KMO: variants seen among roughly 807,000 people sequenced by gnomAD.
The protein encoded by KMO is kynurenine 3-hydroxylase.
In KMO, 24 loss-of-function variants were observed where a neutral mutation model predicts 57.8. The ratio of observed to expected loss-of-function variants is 0.42; its 90% CI spans 0.30 to 0.58. KMO has a LOEUF of 0.58. Among genes scored for constraint, KMO ranks in the 20% least tolerant of loss-of-function variants. The pLI is 0.22. For synonymous variants in KMO, 210 were observed against 193.6 expected, an observed-to-expected ratio of 1.08 and a Z score of -0.70; for missense variants, 483 against 588.2, an observed-to-expected ratio of 0.82 and a Z score of 1.85.
intron 1 of KMO, among the ~76,000 whole-genome samples, chr1:241,541,214 A>T (rs1238834095): frequency 6.6e-6 from 1 of 152,194 alleles, no homozygotes; most frequent in Non-Finnish European, 1.5e-5. Flanking sequence ...GTAGCAGAAG[A>T]TCTGCTGTGA....
chr1:241,572,557 C>T (rs1662343015), intron 10 of KMO, among the ~76,000 whole-genome samples: 1 of 151,764 alleles, frequency 6.6e-6, no homozygotes, highest in South Asian at 2.1e-4. Context: ...ATATTTTAGC[C>T]TCAAGTTCAT....
chr1:241,541,170 C>T (rs1355100780), intron 1 of KMO, among the ~76,000 whole-genome samples: 2 of 152,098 alleles, frequency 1.3e-5, no homozygotes, highest in Non-Finnish European at 2.9e-5. Context: ...CTGGTAAAAG[C>T]TAATGAGGGC....
At chr1:241,587,212 G>A (rs567258079) in intron 11 of KMO, among the ~76,000 whole-genome samples, 2 of 152,286 alleles carry the variant, frequency 1.3e-5, no homozygotes, top group Admixed American at 6.5e-5. Context: ...CATAAGGAGC[G>A]TGCAAGCTAG....
chr1:241,562,921 A>C (rs1558421422), intron 7 of KMO, among the ~76,000 whole-genome samples: 26 of 44,978 alleles, frequency 5.8e-4, no homozygotes, highest in South Asian at 4.2e-3. Flanking sequence ...GAAGGAAAGA[A>C]GGAAGGAAGG....
chr1:241,536,561 C>T (rs1317733452), intron 1 of KMO: 18 of 969,872 alleles, frequency 1.9e-5, no homozygotes, highest in Non-Finnish European at 2.2e-5. Flanking sequence ...AGCCAAGAGC[C>T]TTGGTAAGAG....
intron 11 of KMO, 38 bp downstream of exon 11, chr1:241,586,774 C>T: frequency 1.4e-6 from 2 of 1,419,992 alleles, no homozygotes; most frequent in Non-Finnish European, 2.0e-6. Context: ...CATGTACTAG[C>T]TCTTCTGACT....
At position 241,562,323 on chromosome 1, in the gene KMO, G is replaced by T; in HGVS notation, c.606G>T (p.Lys202Asn). 6.2e-7 allele frequency: 1 copy of T among 1,614,008 alleles called. No individual in the cohort carries two copies. Among genetic ancestry groups the T allele is most frequent in the Non-Finnish European group, 8.5e-7 (1 of 1,179,930 alleles). ...HGYMELTIPP[K>N]NGDYAMEPNY... Reference sequence around the variant, plus strand: ...ACATGGAGTTGACTATTCCACCTAAGAACGGAGATGTAAGTCCTTGCCCTT... The same window carrying T: ...ACATGGAGTTGACTATTCCACCTAATAACGGAGATGTAAGTCCTTGCCCTT... The change falls in exon 7 of 15, where the codon AAG becomes AAT. Residue 202 changes from lysine to asparagine, a missense_variant. Physicochemically the swap from Lys to Asn is moderately conservative, Grantham distance 94. Transcript: ENST00000366559.
chr1:241,570,612 TG>T (rs1662236788), intron 10 of KMO, among the ~76,000 whole-genome samples: 1 of 152,120 alleles, frequency 6.6e-6, no homozygotes, highest in African/African-American at 2.4e-5. Flanking sequence ...GATATATTAC[TG>T]GGTTCTCTAT....
intron 10 of KMO, chr1:241,586,455 C>T (rs1662990583): frequency 2.2e-6 from 1 of 462,924 alleles, no homozygotes; most frequent in Admixed American, 3.6e-5. Flanking sequence ...TCACCTCGGC[C>T]TCCCAAAGTG....
rs763896768 is a variant in KMO at position 241,532,441 on chromosome 1, A to T, written c.-4A>T. The T allele has an allele frequency of 1.2e-6, 2 of 1,611,730 alleles. No individual in the cohort carries two copies. The highest frequency in any genetic ancestry group is 3.4e-5 in the Admixed American group (2 of 59,088). ...CAATAATTGTGAAAAATACTTCAGC[A>T]GTTATGGACTCATCTGTCATTCAAA... On this transcript the variant is annotated 5_prime_UTR_variant, in exon 1 of 15. Transcript: ENST00000366559.
intron 14 of KMO, among the ~76,000 whole-genome samples, chr1:241,591,462 A>T (rs765469641): frequency 7.9e-5 from 12 of 151,612 alleles, no homozygotes; most frequent in Non-Finnish European, 1.6e-4. Context: ...CCAGGATGCC[A>T]TGGGAAAGCA....
At chr1:241,570,007 G>A (rs1662218291) in intron 10 of KMO, among the ~76,000 whole-genome samples, 1 of 151,662 alleles carries the variant, frequency 6.6e-6, no homozygotes, top group Non-Finnish European at 1.5e-5. Context: ...TTAATAATCA[G>A]GTATTATCTT....
intron 1 of KMO, among the ~76,000 whole-genome samples, chr1:241,543,104 CTTGT>C (rs762226063): frequency 1.6e-4 from 25 of 151,998 alleles, no homozygotes; most frequent in African/African-American, 4.3e-4. Flanking sequence ...CTTTTACTTC[CTTGT>C]TTGTTTGTTT....
chr1:241,589,091 C>T lies in KMO; in HGVS notation c.1098+261C>T, dbSNP rs189638347. On this transcript the variant is annotated intron_variant, in intron 12 of 14. Coordinates refer to ENST00000366559, the MANE Select transcript of KMO (RefSeq NM_003679.5). ...AACAAAACCTCTGATAATTCACATGCTTTTATCTTAGACATTTAGCAATAT... is the reference window on the plus strand; with the variant it reads ...AACAAAACCTCTGATAATTCACATGTTTTTATCTTAGACATTTAGCAATAT... Among the ~76,000 whole-genome samples the T allele has an allele frequency of 1.7e-3, 253 of 152,256 alleles. 1 individual carries two copies. Among genetic ancestry groups the T allele is most frequent in the Non-Finnish European group, 2.2e-3 (147 of 68,010 alleles).
At position 241,562,262 on chromosome 1, in the gene KMO, G is replaced by T. The variant is rs147782357; in HGVS notation, c.545G>T (p.Arg182Leu). ...AGATCTCACCTGATGAAGAAACCTCGCTTTGATTACAGTCAGCAGTACATT... is the reference window on the plus strand; with the variant it reads ...AGATCTCACCTGATGAAGAAACCTCTCTTTGATTACAGTCAGCAGTACATT... Reference protein sequence around the residue: ...TVRSHLMKKPRFDYSQQYIPH... With the variant: ...TVRSHLMKKPLFDYSQQYIPH... The change falls in exon 7 of 15, where the codon CGC (arginine) becomes CTC (leucine). Residue 182 changes from arginine to leucine, a missense_variant. Around this residue, in one of 3 missense-constraint regions of KMO, gnomAD observed 410 missense variants for 492.3 expected, o/e 0.83. Coordinates refer to ENST00000366559, the MANE Select transcript of KMO (RefSeq NM_003679.5). 1 of 1,614,024 alleles carries T rather than the reference G, an allele frequency of 6.2e-7. No individual in the cohort carries two copies. Among genetic ancestry groups the T allele is most frequent in the South Asian group, 1.1e-5 (1 of 91,084 alleles).
chr1:241,534,874 T>C (rs1031702486), intron 1 of KMO, among the ~76,000 whole-genome samples: 1 of 152,222 alleles, frequency 6.6e-6, no homozygotes, highest in Non-Finnish European at 1.5e-5. Flanking sequence ...AAAGGTCTTG[T>C]CTGAACTAAG....
chr1:241,571,966 A>G (rs1662299951), intron 10 of KMO, among the ~76,000 whole-genome samples: 1 of 138,690 alleles, frequency 7.2e-6, no homozygotes, highest in Non-Finnish European at 1.5e-5. Flanking sequence ...TCCCGGGTTT[A>G]AGCGATTTTC....
rs1660610662 is a variant in KMO at position 241,532,426 on chromosome 1, G to GA, written c.-14dup. 6.8e-6 allele frequency: 11 copies of GA among 1,612,014 alleles called. No homozygotes were observed. Among genetic ancestry groups the GA allele is most frequent in the Non-Finnish European group, 9.3e-6 (11 of 1,179,224 alleles). ...CAGTGACAGAAGCAACAATAATTGT[G>GA]AAAAATACTTCAGCAGTTATGGACT... On this transcript the variant is annotated 5_prime_UTR_variant, in exon 1 of 15. Transcript: ENST00000366559.
At chr1:241,542,424 T>C (rs3014569) in intron 1 of KMO, among the ~76,000 whole-genome samples, 13,436 of 152,276 alleles carry the variant, frequency 0.088, 750 homozygotes, top group Non-Finnish European at 0.14. Flanking sequence ...GGTAAATCCA[T>C]AATTATGTAA....
Sources: gnomAD v4.1 joint callset for allele counts (sites outside exome capture counted in the v4.1 genomes callset) on GRCh38, gnomAD v4.1.1 for gene constraint, gnomAD v4.1.1 regional missense constraint, MANE v1.5 for transcripts, NCBI Gene and HGNC (gene_info 2026-07-23, HGNC 2026-07-21) for gene names.